MED30: variants seen among roughly 807,000 people sequenced by gnomAD.
The protein encoded by MED30 is mediator of RNA polymerase II transcription subunit 30.
Under a neutral mutation model 21.7 loss-of-function variants are expected in MED30, and 8 were observed. The ratio of observed to expected loss-of-function variants is 0.37; its 90% confidence interval spans 0.22 to 0.67. The LOEUF is 0.67. Among genes scored for constraint, MED30 ranks in the 30% least tolerant of loss-of-function variants. MED30 has a pLI of 0.58. For synonymous variants in MED30, 79 were observed against 86.7 expected, an observed-to-expected ratio of 0.91 and a Z score of 0.49; for missense variants, 203 against 228.2, an observed-to-expected ratio of 0.89 and a Z score of 0.71.
At chr8:117,522,486 T>G (rs1021704684) in intron 1 of MED30, among the ~76,000 whole-genome samples, 1 of 152,194 alleles carries the variant, frequency 6.6e-6, no homozygotes, top group African/African-American at 2.4e-5. Flanking sequence ...GTAGTAGATA[T>G]TATTTTTGTT....
chr8:117,537,281 G>A lies in MED30; in HGVS notation c.442-2602G>A, dbSNP rs1429159004. Among the ~76,000 whole-genome samples, 3 of 152,060 alleles carry A rather than the reference G, an allele frequency of 2.0e-5. No individual in the cohort carries two copies. In the East Asian group the frequency reaches 5.8e-4, roughly 29 times the overall value. The stretch of plus-strand genomic sequence containing the variant: ...CATTCGCCTGTTAATGTACAAAATT[G>A]GGCACAGCTGATGGATTTTGAAAAT... On this transcript the variant is annotated intron_variant, in intron 3 of 3. Transcript: ENST00000297347.
chr8:117,536,082 T>C (rs1003067012), intron 3 of MED30, among the ~76,000 whole-genome samples: 2 of 152,196 alleles, frequency 1.3e-5, no homozygotes, highest in Non-Finnish European at 2.9e-5. Context: ...TAAATATTTG[T>C]GTGCCTGCTC....
chr8:117,526,657 C>T (rs16889831), intron 1 of MED30, among the ~76,000 whole-genome samples: 2,583 of 151,976 alleles, frequency 0.017, 83 homozygotes, highest in African/African-American at 0.058. Flanking sequence ...GCATTTTTAC[C>T]GTGTATACTC....
rs1818593312 is a variant in MED30 at position 117,520,766 on chromosome 8, G to C, written c.-111G>C. 9.0e-7 allele frequency: 1 copy of C among 1,114,270 alleles called. No individual in the cohort carries two copies. The allele number at this position is 1,114,270 out of a possible 1,614,324, so 69.0% of individuals were successfully genotyped here. A position where few individuals can be genotyped will look rare whatever the true frequency, so the allele number is the denominator to read the frequency against. ...GGCCGCTGTTTTGAAATCGGGCCGC[G>C]GGGGGTCTCTCAAGCTGGTTCCAAC... On this transcript the variant is annotated 5_prime_UTR_variant, in exon 1 of 4. Transcript: ENST00000297347.
At position 117,528,642 on chromosome 8, in the gene MED30, C is replaced by A; in HGVS notation, c.178-9C>A. On this transcript the variant is annotated splice_polypyrimidine_tract_variant and intron_variant, in intron 1 of 3. Coordinates refer to ENST00000297347, the MANE Select transcript of MED30 (RefSeq NM_080651.4). ...CTTGATATTTTTATTCTTTGTTTTT[C>A]CTGATAAGCTGCCAAATGGTGTCAC... is the stretch of plus-strand genomic sequence containing the variant. The A allele has an allele frequency of 6.5e-7, 1 of 1,533,788 alleles. No individual in the cohort carries two copies. The highest frequency in any genetic ancestry group is 8.7e-7 in the Non-Finnish European group (1 of 1,142,868).
Position 117,540,081 on chromosome 8 carries a change from C to A in MED30, c.*103C>A. Reference sequence around the variant, plus strand: ...ATTATTTATCTGCTTTTATTTTAGTCACTAAAACTAAAGTTTTTATTTTTA... The same window carrying A: ...ATTATTTATCTGCTTTTATTTTAGTAACTAAAACTAAAGTTTTTATTTTTA... On this transcript the variant is annotated 3_prime_UTR_variant, in exon 4 of 4. Coordinates refer to ENST00000297347, the MANE Select transcript of MED30 (RefSeq NM_080651.4). 1.8e-6 allele frequency: 1 copy of A among 562,174 alleles called. No homozygotes were observed. Among genetic ancestry groups the A allele is most frequent in the South Asian group, 3.0e-5 (1 of 33,262 alleles). The allele number at this position is 562,174 out of a possible 1,614,324, so 34.8% of individuals were successfully genotyped here.
chr8:117,527,636 C>CTTTT (rs3040826), intron 1 of MED30, among the ~76,000 whole-genome samples: 55 of 127,544 alleles, frequency 4.3e-4, no homozygotes, highest in East Asian at 9.6e-4. Flanking sequence ...TTTTTTCTTT[C>CTTTT]TTTTTTTTTT....
At chr8:117,536,204 A>C (rs1387332918) in intron 3 of MED30, among the ~76,000 whole-genome samples, 2 of 152,208 alleles carry the variant, frequency 1.3e-5, no homozygotes, top group Non-Finnish European at 1.5e-5. Context: ...GGAGAACATA[A>C]GACTCCAGTG....
At chr8:117,521,456 A>G (rs1054432045) in intron 1 of MED30, among the ~76,000 whole-genome samples, 3 of 152,020 alleles carry the variant, frequency 2.0e-5, no homozygotes, top group African/African-American at 4.8e-5. Context: ...TTTTTTTGGC[A>G]TAGTTAATAT....
chr8:117,537,715 T>C (rs1818905437), intron 3 of MED30, among the ~76,000 whole-genome samples: 1 of 152,344 alleles, frequency 6.6e-6, no homozygotes, highest in South Asian at 2.1e-4. Context: ...TGGTAGGTTA[T>C]GCATTTATTT....
chr8:117,535,836 C>T (rs1818870843), intron 3 of MED30, among the ~76,000 whole-genome samples: 1 of 151,876 alleles, frequency 6.6e-6, no homozygotes, highest in African/African-American at 2.4e-5. Context: ...AACACTAAAA[C>T]ATTGAAAATA....
Position 117,520,854 on chromosome 8 carries a change from CG to C in MED30, c.-21del. 1 of 1,558,364 alleles carries C rather than the reference CG, an allele frequency of 6.4e-7. No homozygotes were observed. The highest frequency in any genetic ancestry group is 1.2e-5 in the South Asian group (1 of 85,414). On this transcript the variant is annotated 5_prime_UTR_variant, in exon 1 of 4. Coordinates refer to ENST00000297347, the MANE Select transcript of MED30 (RefSeq NM_080651.4). Reference sequence around the variant, plus strand: ...CTGACACCTGCTGTCTGGCCCCTTCCGGCCTGAAGCTGCAGCCGCGCCATGT... The same window carrying C: ...CTGACACCTGCTGTCTGGCCCCTTCCGCCTGAAGCTGCAGCCGCGCCATGT...
intron 2 of MED30, among the ~76,000 whole-genome samples, chr8:117,530,039 A>G (rs76617861): frequency 1.3e-5 from 2 of 152,188 alleles, no homozygotes; most frequent in East Asian, 3.9e-4. Context: ...ACACGATGGT[A>G]AAGGCTAGGT....
chr8:117,533,423 C>T (rs2130816498), intron 3 of MED30, among the ~76,000 whole-genome samples: 1 of 152,242 alleles, frequency 6.6e-6, no homozygotes, highest in Admixed American at 6.5e-5. Context: ...CTCCCTACAG[C>T]CTCTCTCTCC....
chr8:117,536,667 T>G (rs2130819016), intron 3 of MED30, among the ~76,000 whole-genome samples: 1 of 152,378 alleles, frequency 6.6e-6, no homozygotes, highest in South Asian at 2.1e-4. Context: ...TAAATCATCA[T>G]AAGACAATAT....
At chr8:117,521,203 C>T (rs1818611390) in intron 1 of MED30, 150 bp downstream of exon 1, 1 of 702,494 alleles carries the variant, frequency 1.4e-6, no homozygotes, top group Non-Finnish European at 2.2e-6. Flanking sequence ...TCAAGAGTGT[C>T]CCCAAAAGTC....
In MED30 at chr8:117,520,982, A is replaced by G. The variant is rs1426775725; in HGVS notation, c.106A>G (p.Ile36Val). Reference protein sequence around the residue: ...REVNTASLCRIGQETVQDIVY... With the variant: ...REVNTASLCRVGQETVQDIVY... ...AGTCAACACGGCGTCGCTGTGCCGC[A>G]TCGGGCAGGAGACAGTGCAGGACAT... is the stretch of plus-strand genomic sequence containing the variant. The change falls in exon 1 of 4, where the codon ATC becomes GTC. Residue 36 changes from isoleucine (I) to valine (V), a missense_variant. Physicochemically the swap from Ile to Val is conservative, Grantham distance 29. Transcript: ENST00000297347. The G allele has an allele frequency of 3.7e-6, 6 of 1,613,000 alleles. No individual in the cohort carries two copies. The highest frequency in any genetic ancestry group is 1.3e-5 in the African/African-American group (1 of 74,834).
intron 3 of MED30, among the ~76,000 whole-genome samples, chr8:117,533,579 C>T (rs1000838823): frequency 6.6e-6 from 1 of 152,000 alleles, no homozygotes; most frequent in African/African-American, 2.4e-5. Flanking sequence ...GGTCATATTT[C>T]CTTGATTGAA....
At chr8:117,525,005 T>C (rs1818697525) in intron 1 of MED30, among the ~76,000 whole-genome samples, 2 of 152,226 alleles carry the variant, frequency 1.3e-5, no homozygotes, top group Admixed American at 6.5e-5. Flanking sequence ...GGCATTTGGC[T>C]GTTTTTCATC....
Sources: allele counts gnomAD v4.1 joint callset (sites outside exome capture counted in the v4.1 genomes callset), GRCh38; gene constraint gnomAD v4.1.1; transcripts MANE v1.5; gene names NCBI Gene and HGNC (gene_info 2026-07-23, HGNC 2026-07-21).